The following INTS7 variants were observed in gnomAD, a reference collection of about 807,000 sequenced individuals.
INTS7 encodes integrator complex subunit 7.
A neutral mutation model predicts 109.2 loss-of-function variants in INTS7; 46 were observed. The observed-to-expected ratio is 0.42, with a 90% CI of 0.33 to 0.54. The LOEUF (loss-of-function observed/expected upper bound fraction) is 0.54, where lower values mean the gene tolerates loss of function less well. Ranked by LOEUF, INTS7 falls within the 20% of genes least tolerant of loss-of-function variation. The pLI, the probability that INTS7 is intolerant of heterozygous loss-of-function variation, is 0.07. For missense variants in INTS7, 929 were observed against 1,132.4 expected (o/e 0.82, Z 2.58); for synonymous variants, 412 against 402.9 (o/e 1.02, Z -0.27).
intron 13 of INTS7, among the ~76,000 whole-genome samples, chr1:211,973,505 C>T (rs1664270143): frequency 6.6e-6 from 1 of 152,210 alleles, no homozygotes; most frequent in South Asian, 2.1e-4. Context: ...AGATAAAAAG[C>T]ATGATCCTCA....
chr1:212,002,863 T>C (rs552437255), intron 7 of INTS7, among the ~76,000 whole-genome samples: 1 of 152,238 alleles, frequency 6.6e-6, no homozygotes, highest in South Asian at 2.1e-4. Context: ...CCACACATAC[T>C]TCTCCAAGAA....
At chr1:212,033,695 G>A (rs1667272256) in intron 1 of INTS7, among the ~76,000 whole-genome samples, 1 of 152,128 alleles carries the variant, frequency 6.6e-6, no homozygotes. Flanking sequence ...AATGTCCTTA[G>A]AACTCGTAGG....
intron 1 of INTS7, among the ~76,000 whole-genome samples, chr1:212,028,355 A>G (rs1456899960): frequency 6.6e-6 from 1 of 152,240 alleles, no homozygotes; most frequent in Non-Finnish European, 1.5e-5. Flanking sequence ...AAAGATCTAA[A>G]ATCTTACTGA....
At chr1:212,022,408 A>C (rs1334478224) in intron 1 of INTS7, among the ~76,000 whole-genome samples, 2 of 152,256 alleles carry the variant, frequency 1.3e-5, no homozygotes, top group African/African-American at 4.8e-5. Flanking sequence ...TACAAAACAC[A>C]TATGTGATAA....
rs1663511447 is a variant in INTS7, at chr1:211,959,422, T to C, written c.2184-6721A>G. ...GCCTGCATCATAGCTCCTGTGCTTG[T>C]GGACTGCGCCTAACTGGTAGTGAGC... On this transcript the variant is annotated intron_variant, in intron 16 of 19. Coordinates refer to ENST00000366994, the MANE Select transcript of INTS7 (RefSeq NM_015434.4). The surrounding 1 kb of genome is among the most constrained non-coding windows in gnomAD (Gnocchi z 4.2). Among the ~76,000 whole-genome samples the C allele has an allele frequency of 6.6e-6, 1 of 152,122 alleles. No individual in the cohort carries two copies. The highest frequency in any genetic ancestry group is 2.1e-4 in the South Asian group (1 of 4,826).
In INTS7 at chr1:211,941,592, G is replaced by A; in HGVS notation, c.*232C>T. The A allele has an allele frequency of 1.1e-5, 6 of 549,528 alleles. No individual in the cohort carries two copies. Among genetic ancestry groups the A allele is most frequent in the Non-Finnish European group, 1.9e-5 (6 of 312,918 alleles). The allele number at this position is 549,528 out of a possible 1,614,324, so 34.0% of individuals were successfully genotyped here. A position where few individuals can be genotyped will look rare whatever the true frequency, so the allele number is the denominator to read the frequency against. On this transcript the variant is annotated 3_prime_UTR_variant, in exon 20 of 20. Coordinates refer to ENST00000366994, the MANE Select transcript of INTS7 (RefSeq NM_015434.4). ...GCCAGGATGGTCTTGATCTCCTCGT[G>A]AGCCGCCCACCTCAGCCTCCCAAAG...
At chr1:211,965,330 C>T (rs1663822931) in intron 16 of INTS7, among the ~76,000 whole-genome samples, 1 of 152,144 alleles carries the variant, frequency 6.6e-6, no homozygotes, top group South Asian at 2.1e-4. Context: ...GAAAAGGGAA[C>T]CCTTATACAC....
At position 211,974,687 on chromosome 1, in the gene INTS7, G is replaced by A. The variant is rs180729189; in HGVS notation, c.1815+479C>T. Among the ~76,000 whole-genome samples the A allele has an allele frequency of 7.5e-4, 114 of 152,286 alleles. 1 individual carries two copies. The highest frequency in any genetic ancestry group is 1.9e-3 in the African/African-American group (80 of 41,570). On this transcript the variant is annotated intron_variant, in intron 13 of 19. Transcript: ENST00000366994. ...TTTCATTTTCTTGGCAGAGATAACA[G>A]AAATTGTAGCTAGCTAATGGTTAAT...
At chr1:211,977,200 TG>T (rs1432215034) in intron 11 of INTS7, among the ~76,000 whole-genome samples, 1 of 152,186 alleles carries the variant, frequency 6.6e-6, no homozygotes, top group Non-Finnish European at 1.5e-5. Flanking sequence ...AGTGGTTACC[TG>T]AGAGAAGGGA....
Position 211,987,979 on chromosome 1 carries a change from T to C in INTS7, c.904A>G (p.Thr302Ala), listed in dbSNP as rs1411793005. Residue 302 changes from threonine to alanine, a missense_variant, in exon 8 of 20, where the codon ACT becomes GCT. This residue lies in a region of INTS7 where 787 missense variants were observed against 901.1 expected (regional missense o/e 0.87). Transcript: ENST00000366994. ...IQALCECALQ[T>A]PYDSLKLGML... ...CCTAGTTTTAAGCTGTCATAAGGAG[T>C]CTGGAGGGCACACTCACAAAGTGCC... The C allele has an allele frequency of 6.2e-7, 1 of 1,606,824 alleles. No homozygotes were observed. The highest frequency in any genetic ancestry group is 2.2e-5 in the East Asian group (1 of 44,750).
chr1:211,983,868 G>A (rs1173881820), intron 8 of INTS7, among the ~76,000 whole-genome samples: 1 of 148,616 alleles, frequency 6.7e-6, no homozygotes, highest in Non-Finnish European at 1.5e-5. Flanking sequence ...TTTTTTTTGA[G>A]ACAGAGTCTC....
intron 5 of INTS7, among the ~76,000 whole-genome samples, chr1:212,010,981 A>G (rs996330769): frequency 6.6e-6 from 1 of 152,108 alleles, no homozygotes; most frequent in Non-Finnish European, 1.5e-5. Flanking sequence ...CTCATCAGAG[A>G]CTGTCTCTGA....
intron 16 of INTS7, among the ~76,000 whole-genome samples, chr1:211,955,639 C>T (rs879467720): frequency 6.6e-6 from 1 of 152,212 alleles, no homozygotes; most frequent in Admixed American, 6.5e-5. Flanking sequence ...CATAAGACTA[C>T]TCTGATTATT....
chr1:211,975,364 A>G lies in INTS7; in HGVS notation c.1617T>C (p.His539=), dbSNP rs2102419228. The G allele has an allele frequency of 6.2e-7, 1 of 1,613,038 alleles. No individual in the cohort carries two copies. Among genetic ancestry groups the G allele is most frequent in the East Asian group, 2.2e-5 (1 of 44,876 alleles). Residue 539 remains histidine, a synonymous_variant, in exon 13 of 20, where the codon CAT becomes CAC. Coordinates refer to ENST00000366994, the MANE Select transcript of INTS7 (RefSeq NM_015434.4). ...IARQASRMGN[H]DMAKELYQSL... ...TCTGATAAAGCTCTTTGGCCATGTC[A>G]TGATTACCCTAAAAACAAAAAAAGA... is the stretch of plus-strand genomic sequence containing the variant.
Position 211,999,790 on chromosome 1 carries a change from G to A in INTS7, c.879+6849C>T, listed in dbSNP as rs142823906. Among the ~76,000 whole-genome samples, 465 of 152,160 alleles carry A rather than the reference G, an allele frequency of 3.1e-3. 3 individuals are homozygous for A. The highest frequency in any genetic ancestry group is 0.011 in the African/African-American group (451 of 41,524). ...AAAAAGATAAGAAAGCAAAGCTTCC[G>A]GCAAGTCTAATCAAGGAAAAGGGGA... On this transcript the variant is annotated intron_variant, in intron 7 of 19. Coordinates refer to ENST00000366994, the MANE Select transcript of INTS7 (RefSeq NM_015434.4).
chr1:211,981,016 T>C (rs1168581996), intron 10 of INTS7, 77 bp downstream of exon 10: 2 of 747,596 alleles, frequency 2.7e-6, no homozygotes, highest in East Asian at 2.7e-5. Flanking sequence ...ACAGGAGCTA[T>C]GTCTGCTTAA....
At chr1:211,980,694 G>A (rs544596499) in intron 10 of INTS7, among the ~76,000 whole-genome samples, 4 of 151,990 alleles carry the variant, frequency 2.6e-5, no homozygotes, top group Middle Eastern at 3.4e-3. Context: ...CACCTTGACC[G>A]CCCCAAAATG....
intron 16 of INTS7, among the ~76,000 whole-genome samples, chr1:211,965,191 A>T (rs1663815154): frequency 6.6e-6 from 1 of 152,188 alleles, no homozygotes; most frequent in Non-Finnish European, 1.5e-5. Flanking sequence ...CACATAAAAA[A>T]AAAAAAACTC....
intron 1 of INTS7, among the ~76,000 whole-genome samples, chr1:212,028,657 G>T (rs1252532101): frequency 6.6e-6 from 1 of 152,242 alleles, no homozygotes; most frequent in Non-Finnish European, 1.5e-5. Context: ...GAAATGTAGA[G>T]AGGTGAAATA....
Sources: gnomAD v4.1 joint callset for allele counts (sites outside exome capture counted in the v4.1 genomes callset) on GRCh38, gnomAD v4.1.1 for gene constraint, gnomAD v4.1.1 regional missense constraint, Gnocchi (gnomAD v3.1) non-coding constraint, MANE v1.5 for transcripts, NCBI Gene and HGNC (gene_info 2026-07-23, HGNC 2026-07-21) for gene names.